Variants in KIAA1755 observed in about 807,000 individuals in gnomAD.
KIAA1755 encodes the protein KIAA1755, also known as uncharacterized protein KIAA1755.
A neutral mutation model predicts 91.7 loss-of-function variants in KIAA1755; 68 were observed. That is an observed-to-expected ratio of 0.74 (90% CI 0.61 to 0.91). KIAA1755 has a LOEUF of 0.91. KIAA1755 is among the 40% of genes least tolerant of loss of function. The probability of loss-of-function intolerance (pLI) is 0.00; values close to 1 mark genes in which losing one functional copy is unlikely to be tolerated. For synonymous variants in KIAA1755, 610 were observed against 604.6 expected (o/e 1.01, Z -0.13); for missense variants, 1,535 against 1,494.4 (o/e 1.03, Z -0.45).
At chr20:38,242,478 C>T (rs1489258593) in intron 2 of KIAA1755, among the ~76,000 whole-genome samples, 1 of 152,118 alleles carries the variant, frequency 6.6e-6, no homozygotes, top group African/African-American at 2.4e-5. Context: ...CCTGGTAAAT[C>T]CATCATAAAT....
chr20:38,245,885 T>G, intron 2 of KIAA1755, 44 bp downstream of exon 2: 1 of 1,591,938 alleles, frequency 6.3e-7, no homozygotes, highest in Non-Finnish European at 8.6e-7. Flanking sequence ...CCCATGACTT[T>G]CTGGAACAGC....
Position 38,217,332 on chromosome 20 carries a change from A to G in KIAA1755, c.2822T>C (p.Leu941Pro). 1 of 1,612,434 alleles carries G rather than the reference A, an allele frequency of 6.2e-7. No individual in the cohort carries two copies. The highest frequency in any genetic ancestry group is 8.5e-7 in the Non-Finnish European group (1 of 1,179,448). ...CTCGGCCGCCATGTAAAAGTGGGTC[A>G]GCTCAGCCTGGAAGGCCCGCTGGGT... ...ASTQRAFQAE[L>P]THFYMAAERQ... Residue 941 changes from leucine to proline, a missense_variant, in exon 13 of 14, where the codon CTG becomes CCG. Physicochemically the swap from Leu to Pro is moderately conservative, Grantham distance 98 (BLOSUM62 -3). Transcript: ENST00000279024.
At chr20:38,231,908 C>A (rs1007150595) in intron 4 of KIAA1755, among the ~76,000 whole-genome samples, 6 of 152,208 alleles carry the variant, frequency 3.9e-5, no homozygotes, top group Admixed American at 6.5e-5. Flanking sequence ...TTTCTTCTTG[C>A]AGACTTTCAA....
At position 38,227,634 on chromosome 20, in the gene KIAA1755, A is replaced by G. The variant is rs193199978; in HGVS notation, c.1966-394T>C. 1.3e-3 allele frequency among the ~76,000 whole-genome samples: 194 copies of G among 152,340 alleles called. 1 individual carries two copies. Among genetic ancestry groups the G allele is most frequent in the African/African-American group, 4.5e-3 (188 of 41,576 alleles). On this transcript the variant is annotated intron_variant, in intron 6 of 13. Coordinates refer to ENST00000279024, the MANE Select transcript of KIAA1755 (RefSeq NM_001029864.2). The stretch of plus-strand genomic sequence containing the variant: ...GCTTTATGTGATCTAAGTCTGAGCC[A>G]ATCAGTGTGTTGCATTCACCCCCAG...
Position 38,241,269 on chromosome 20 carries a change from C to T in KIAA1755, c.862G>A (p.Glu288Lys), listed in dbSNP as rs909671293. The T allele has an allele frequency of 6.2e-7, 1 of 1,614,164 alleles. No individual in the cohort carries two copies. The highest frequency in any genetic ancestry group is 8.5e-7 in the Non-Finnish European group (1 of 1,180,010). ...LLGFSQESRG[E>K]SPSREAGTSS... is the part of the protein sequence containing the mutation. ...GTGCCTGCCTCCCTACTGGGAGACTCTCCTCTGCTCTCTTGGGAAAAGCCT... is the reference window on the plus strand; with the variant it reads ...GTGCCTGCCTCCCTACTGGGAGACTTTCCTCTGCTCTCTTGGGAAAAGCCT... The change falls in exon 3 of 14, where the codon GAG becomes AAG. Residue 288 changes from glutamate (E) to lysine (K), a missense_variant. Transcript: ENST00000279024.
chr20:38,223,447 C>G (rs981429946), intron 9 of KIAA1755, 91 bp downstream of exon 9: 3 of 839,238 alleles, frequency 3.6e-6, no homozygotes, highest in East Asian at 6.5e-5. Context: ...TGTCCTCCCC[C>G]TTTTCCCCAG....
intron 8 of KIAA1755, 122 bp from the exon 9 acceptor site, chr20:38,223,758 A>G: frequency 1.5e-6 from 1 of 680,382 alleles, no homozygotes; most frequent in South Asian, 1.8e-5. Context: ...GGTGCATCAG[A>G]AGCATCTGGA....
chr20:38,224,894 C>A (rs145921421), intron 8 of KIAA1755, among the ~76,000 whole-genome samples: 55 of 152,278 alleles, frequency 3.6e-4, no homozygotes, highest in African/African-American at 1.2e-3. Context: ...CCAACACTGG[C>A]GGCTGCCTTA....
In KIAA1755 at chr20:38,234,227, A is replaced by G. The variant is rs374236970; in HGVS notation, c.1748-2902T>C. ...CAGATGATACCACCCAGCTTTGTTCACCCTATTCCTTCTGCCAGGTATGCC... is the reference window on the plus strand; with the variant it reads ...CAGATGATACCACCCAGCTTTGTTCGCCCTATTCCTTCTGCCAGGTATGCC... On this transcript the variant is annotated intron_variant, in intron 4 of 13. Coordinates refer to ENST00000279024, the MANE Select transcript of KIAA1755 (RefSeq NM_001029864.2). 2.6e-5 allele frequency among the ~76,000 whole-genome samples: 4 copies of G among 152,152 alleles called. No individual in the cohort carries two copies. The East Asian group carries it at 5.8e-4, about 22-fold the overall frequency.
At chr20:38,231,099 G>A (rs1485543347) in intron 5 of KIAA1755, 103 bp downstream of exon 5, 2 of 1,273,506 alleles carry the variant, frequency 1.6e-6, no homozygotes, top group Non-Finnish European at 2.2e-6. Flanking sequence ...ACAGACGACT[G>A]GATGGAAGGA....
rs771185970 is a variant in KIAA1755 at position 38,255,175 on chromosome 20, C to CA, written c.3+5322dup. 7.5e-3 allele frequency among the ~76,000 whole-genome samples: 1,020 copies of CA among 135,486 alleles called. 1 individual carries two copies. Among genetic ancestry groups the CA allele is most frequent in the Non-Finnish European group, 9.2e-3 (574 of 62,154 alleles). The allele number at this position is 135,486 out of a possible 152,430, so 88.9% of individuals were successfully genotyped here. A position where few individuals can be genotyped will look rare whatever the true frequency, so the allele number is the denominator to read the frequency against. On this transcript the variant is annotated intron_variant, in intron 1 of 13. Transcript: ENST00000279024. ...CTGGGTGACAGAGTGAGATCTGTCT[C>CA]AAAAAAAAAAAAAATCTGTCTCTTC...
In KIAA1755 at chr20:38,227,209, A is replaced by G; in HGVS notation, c.1997T>C (p.Leu666Pro). 3.1e-6 allele frequency: 5 copies of G among 1,613,980 alleles called. No homozygotes were observed. Among genetic ancestry groups the G allele is most frequent in the Non-Finnish European group, 4.2e-6 (5 of 1,179,910 alleles). The change falls in exon 7 of 14, where the codon CTC becomes CCC. Residue 666 changes from leucine to proline, a missense_variant. Coordinates refer to ENST00000279024, the MANE Select transcript of KIAA1755 (RefSeq NM_001029864.2). ...AQVPASIRAI[L>P]FLGEKEAALQ... ...AGCCGCCTCCTTCTCCCCCAGGAAG[A>G]GAATAGCCCGGATAGAGGCTGGGAC...
intron 1 of KIAA1755, among the ~76,000 whole-genome samples, chr20:38,256,077 C>G (rs2076334749): frequency 2.0e-5 from 3 of 152,178 alleles, no homozygotes; most frequent in Admixed American, 2.0e-4. Context: ...AGTTAAGAAA[C>G]TGAGCTCAAG....
chr20:38,260,644 C>G lies in KIAA1755; in HGVS notation c.-144G>C. 1 of 984,334 alleles carries G rather than the reference C, an allele frequency of 1.0e-6. No individual in the cohort carries two copies. Among genetic ancestry groups the G allele is most frequent in the South Asian group, 3.1e-5 (1 of 32,642 alleles). The allele number at this position is 984,334 out of a possible 1,614,324, so 61.0% of individuals were successfully genotyped here. A position where few individuals can be genotyped will look rare whatever the true frequency, so the allele number is the denominator to read the frequency against. ...TAGGGCAGGCCCGGGGCACCGACCC[C>G]GGCGTCATCTCGGAGGAGCGGCCGG... On this transcript the variant is annotated 5_prime_UTR_variant, in exon 1 of 14. Transcript: ENST00000279024.
intron 1 of KIAA1755, among the ~76,000 whole-genome samples, chr20:38,256,422 C>A (rs1322631796): frequency 6.6e-6 from 1 of 152,240 alleles, no homozygotes; most frequent in Non-Finnish European, 1.5e-5. Context: ...GCCATGTTCA[C>A]ATATTCTAAT....
At chr20:38,250,529 T>C (rs1374251558) in intron 1 of KIAA1755, among the ~76,000 whole-genome samples, 1 of 151,286 alleles carries the variant, frequency 6.6e-6, no homozygotes, top group Non-Finnish European at 1.5e-5. Context: ...TGTGTGTGTG[T>C]GTGTGTGGTT....
rs73283239 is a variant in KIAA1755 at position 38,243,112 on chromosome 20, C to T, written c.202-1183G>A. On this transcript the variant is annotated intron_variant, in intron 2 of 13. Coordinates refer to ENST00000279024, the MANE Select transcript of KIAA1755 (RefSeq NM_001029864.2). Reference sequence around the variant, plus strand: ...GGGCTGACAACAGGTCTTTAACTGGCTTTTGGAAAAAGAGTCTGAGTTCTG... The same window carrying T: ...GGGCTGACAACAGGTCTTTAACTGGTTTTTGGAAAAAGAGTCTGAGTTCTG... Among the ~76,000 whole-genome samples, 432 of 152,274 alleles carry T rather than the reference C, an allele frequency of 2.8e-3. 1 individual carries two copies. Among genetic ancestry groups the T allele is most frequent in the African/African-American group, 9.9e-3 (412 of 41,550 alleles).
chr20:38,246,202 C>A, intron 1 of KIAA1755, 76 bp from the exon 2 acceptor site: 2 of 1,226,682 alleles, frequency 1.6e-6, no homozygotes, highest in Non-Finnish European at 2.3e-6. Context: ...ACCTTCCAGG[C>A]CCCATATGCC....
chr20:38,241,015 G>A lies in KIAA1755; in HGVS notation c.1116C>T (p.Ser372=). Reference sequence around the variant, plus strand: ...GTGCGTCCTCAAGGACATTCATGTAGGAGCCTTGGGGCGGCCTTTCTGAGT... The same window carrying A: ...GTGCGTCCTCAAGGACATTCATGTAAGAGCCTTGGGGCGGCCTTTCTGAGT... ...THNSERPPQG[S]YMNVLEDALD... Residue 372 remains serine, a synonymous_variant, in exon 3 of 14, where the codon TCC becomes TCT. Coordinates refer to ENST00000279024, the MANE Select transcript of KIAA1755 (RefSeq NM_001029864.2). 6.2e-7 allele frequency: 1 copy of A among 1,614,186 alleles called. No individual in the cohort carries two copies. Among genetic ancestry groups the A allele is most frequent in the Non-Finnish European group, 8.5e-7 (1 of 1,180,026 alleles).
Sources: allele counts gnomAD v4.1 joint callset (sites outside exome capture counted in the v4.1 genomes callset), GRCh38; gene constraint gnomAD v4.1.1; transcripts MANE v1.5; gene names NCBI Gene and HGNC (gene_info 2026-07-23, HGNC 2026-07-21).